GNG12: variants seen among roughly 807,000 people sequenced by gnomAD.
GNG12 encodes the protein guanine nucleotide-binding protein G(I)/G(S)/G(O) subunit gamma-12.
For missense variants in GNG12, 69 were observed against 83.8 expected (o/e 0.82, Z 0.69); for synonymous variants, 28 against 29.7 (o/e 0.94, Z 0.19).
At chr1:67,779,895 C>T (rs1304979316) in intron 1 of GNG12, among the ~76,000 whole-genome samples, 1 of 152,126 alleles carries the variant, frequency 6.6e-6, no homozygotes, top group Non-Finnish European at 1.5e-5. Flanking sequence ...ACCTGGACAG[C>T]ATGTTACTGT....
intron 1 of GNG12, among the ~76,000 whole-genome samples, chr1:67,800,840 G>C (rs1646860415): frequency 6.7e-6 from 1 of 149,744 alleles, no homozygotes; most frequent in Non-Finnish European, 1.5e-5. Flanking sequence ...TTGACCTTGT[G>C]AACTCCTTGA....
In GNG12 at chr1:67,786,380, A is replaced by ACCACT. The variant is rs528595540; in HGVS notation, c.-76-8874_-76-8873insAGTGG. ...TGGGACAAATTAAGACCTAACACTA[A>ACCACT]ATTGGACGGTGGTCCCCAGATAGAG... On this transcript the variant is annotated intron_variant, in intron 1 of 3. Transcript: ENST00000370982. Among the ~76,000 whole-genome samples, 670 of 152,280 alleles carry ACCACT rather than the reference A, an allele frequency of 4.4e-3. 5 individuals carry two copies. Among genetic ancestry groups the ACCACT allele is most frequent in the African/African-American group, 0.015 (639 of 41,560 alleles).
intron 2 of GNG12, among the ~76,000 whole-genome samples, chr1:67,771,342 A>G (rs1473795329): frequency 6.6e-6 from 1 of 152,238 alleles, no homozygotes; most frequent in East Asian, 1.9e-4. Flanking sequence ...GATATTTGAC[A>G]GATAAGAAAA....
At chr1:67,743,826 T>TA (rs1409322791) in intron 2 of GNG12, among the ~76,000 whole-genome samples, 1 of 152,236 alleles carries the variant, frequency 6.6e-6, no homozygotes, top group Non-Finnish European at 1.5e-5. Flanking sequence ...TCCAGCTTTT[T>TA]ACAAGGATAT....
At chr1:67,812,581 A>T (rs114760455) in intron 1 of GNG12, among the ~76,000 whole-genome samples, 101 of 152,264 alleles carry the variant, frequency 6.6e-4, no homozygotes, top group African/African-American at 2.4e-3. Context: ...ACTTAGAGTG[A>T]TTCTCTTGGT....
At chr1:67,774,245 T>C (rs1396940852) in intron 2 of GNG12, among the ~76,000 whole-genome samples, 1 of 152,222 alleles carries the variant, frequency 6.6e-6, no homozygotes, top group Non-Finnish European at 1.5e-5. Context: ...CTGTGGGAAC[T>C]GCCAGCAAAT....
At chr1:67,832,706 G>A (rs1647054812) in intron 1 of GNG12, among the ~76,000 whole-genome samples, 1 of 151,990 alleles carries the variant, frequency 6.6e-6, no homozygotes, top group Non-Finnish European at 1.5e-5. Flanking sequence ...CCACTCGGGG[G>A]TCCCTCGCGG....
chr1:67,799,505 C>T (rs1646852162), intron 1 of GNG12, among the ~76,000 whole-genome samples: 1 of 152,146 alleles, frequency 6.6e-6, no homozygotes, highest in African/African-American at 2.4e-5. Flanking sequence ...TGAACCCAGA[C>T]CACAGTGACG....
chr1:67,807,040 T>TA (rs958466929), intron 1 of GNG12, among the ~76,000 whole-genome samples: 3 of 152,006 alleles, frequency 2.0e-5, no homozygotes, highest in East Asian at 1.9e-4. Flanking sequence ...CACTGGGCCA[T>TA]AAAAAAAACC....
chr1:67,789,390 G>T (rs936511370), intron 1 of GNG12, among the ~76,000 whole-genome samples: 1 of 152,044 alleles, frequency 6.6e-6, no homozygotes, highest in Non-Finnish European at 1.5e-5. Context: ...GTATTTGAAT[G>T]GAACTATATT....
intron 2 of GNG12, among the ~76,000 whole-genome samples, chr1:67,766,210 A>G (rs1399704685): frequency 6.6e-6 from 1 of 151,864 alleles, no homozygotes; most frequent in African/African-American, 2.4e-5. Flanking sequence ...ACAGGCTGAC[A>G]ATCTTTCCAA....
intron 2 of GNG12, among the ~76,000 whole-genome samples, chr1:67,709,536 G>A (rs1646268940): frequency 6.6e-6 from 1 of 151,922 alleles, no homozygotes; most frequent in Non-Finnish European, 1.5e-5. Flanking sequence ...CATGTGGCAG[G>A]GCAGGGTGGG....
At chr1:67,793,487 T>C (rs549643720) in intron 1 of GNG12, among the ~76,000 whole-genome samples, 3 of 152,292 alleles carry the variant, frequency 2.0e-5, no homozygotes, top group African/African-American at 7.2e-5. Flanking sequence ...AAGAAAACGG[T>C]AGATATCAAA....
chr1:67,717,265 C>T (rs1166217965), intron 2 of GNG12, among the ~76,000 whole-genome samples: 2 of 152,096 alleles, frequency 1.3e-5, no homozygotes. Context: ...CCTGTAATCC[C>T]AGCACTTTGG....
At chr1:67,715,260 G>A (rs1474062387) in intron 2 of GNG12, among the ~76,000 whole-genome samples, 2 of 152,108 alleles carry the variant, frequency 1.3e-5, no homozygotes, top group Admixed American at 6.5e-5. Context: ...CCTCAGAAGC[G>A]GCCAACCCTG....
intron 2 of GNG12, among the ~76,000 whole-genome samples, chr1:67,756,446 A>C (rs1006363442): frequency 1.1e-4 from 17 of 152,218 alleles, no homozygotes; most frequent in Non-Finnish European, 2.5e-4. Flanking sequence ...CAGGTTAATG[A>C]CAAATAATGT....
chr1:67,812,211 G>A (rs1038890819), intron 1 of GNG12, among the ~76,000 whole-genome samples: 1 of 151,974 alleles, frequency 6.6e-6, no homozygotes, highest in African/African-American at 2.4e-5. Flanking sequence ...CTGGCAATGA[G>A]GATCTGCTGC....
At chr1:67,831,232 T>A (rs907540857) in intron 1 of GNG12, among the ~76,000 whole-genome samples, 1 of 152,172 alleles carries the variant, frequency 6.6e-6, no homozygotes, top group Non-Finnish European at 1.5e-5. Flanking sequence ...ATAATTCTAA[T>A]TTTAAAAAAA....
intron 2 of GNG12, among the ~76,000 whole-genome samples, chr1:67,770,447 C>A (rs1454122081): frequency 6.6e-6 from 1 of 152,104 alleles, no homozygotes; most frequent in Non-Finnish European, 1.5e-5. Context: ...GAGTACTGTC[C>A]CCTTGCCCCA....
Sources: allele counts gnomAD v4.1 joint callset (sites outside exome capture counted in the v4.1 genomes callset), GRCh38; gene constraint gnomAD v4.1.1; transcripts MANE v1.5; gene names NCBI Gene and HGNC (gene_info 2026-07-23, HGNC 2026-07-21).